The following HEATR5B variants were observed in gnomAD, a reference collection of about 807,000 sequenced individuals.
The protein encoded by HEATR5B is HEAT repeat containing 5B, also known as HEAT repeat-containing protein 5B.
A neutral mutation model predicts 224.1 loss-of-function variants in HEATR5B; 156 were observed. The ratio of observed to expected loss-of-function variants is 0.70; its 90% CI spans 0.61 to 0.80. The LOEUF is 0.80. HEATR5B is among the 30% of genes least tolerant of loss of function. HEATR5B has a pLI of 0.00. For synonymous variants in HEATR5B, 1,027 were observed against 893.0 expected (o/e 1.15, Z -2.68); for missense variants, 2,323 against 2,535.5 (o/e 0.92, Z 1.80).
At chr2:37,043,980 G>A (rs1670034437) in intron 18 of HEATR5B, among the ~76,000 whole-genome samples, 2 of 152,108 alleles carry the variant, frequency 1.3e-5, no homozygotes, top group South Asian at 4.1e-4. Flanking sequence ...GGCCTCAAGT[G>A]ATCCTCCTGC....
chr2:37,079,417 A>C, intron 2 of HEATR5B, 86 bp from the exon 3 acceptor site: 1 of 639,576 alleles, frequency 1.6e-6, no homozygotes. Context: ...TTAACACTTA[A>C]GGCACTCTAA....
chr2:37,014,075 A>G (rs1667960343), intron 26 of HEATR5B, 55 bp from the exon 27 acceptor site: 1 of 1,016,420 alleles, frequency 9.8e-7, no homozygotes, highest in Non-Finnish European at 1.4e-6. Flanking sequence ...GCTGTATAAG[A>G]AAATGGAATA....
At position 37,070,214 on chromosome 2, in the gene HEATR5B, C is replaced by T; in HGVS notation, c.927+16G>A. The T allele has an allele frequency of 6.2e-7, 1 of 1,613,638 alleles. No homozygotes were observed. Among genetic ancestry groups the T allele is most frequent in the Non-Finnish European group, 8.5e-7 (1 of 1,179,734 alleles). On this transcript the variant is annotated intron_variant, in intron 7 of 35. Coordinates refer to ENST00000233099, the MANE Select transcript of HEATR5B (RefSeq NM_019024.3). ...CGTGCCTGGCCAAAATTCTTTCACA[C>T]ATACGTGTTACAAACCTGCGTAACT...
chr2:37,071,300 G>A (rs1473277220), intron 6 of HEATR5B, among the ~76,000 whole-genome samples: 1 of 152,206 alleles, frequency 6.6e-6, no homozygotes, highest in Non-Finnish European at 1.5e-5. Context: ...AGGTGGGGTA[G>A]AGGTAGGGAC....
chr2:36,988,184 T>G (rs1282998402), intron 35 of HEATR5B, among the ~76,000 whole-genome samples: 1 of 152,198 alleles, frequency 6.6e-6, no homozygotes, highest in Non-Finnish European at 1.5e-5. Context: ...GGCAATTCAT[T>G]TGAACTTCCT....
intron 26 of HEATR5B, 137 bp downstream of exon 26, chr2:37,019,672 A>AT (rs74340144): frequency 0.037 from 21,731 of 589,610 alleles, 651 homozygotes; most frequent in East Asian, 0.094. Context: ...GGCCAGGCTG[A>AT]TCTCAAACTC....
chr2:37,002,580 A>G lies in HEATR5B; in HGVS notation c.5051-8T>C, dbSNP rs1176552402. On this transcript the variant is annotated splice_polypyrimidine_tract_variant and splice_region_variant and intron_variant, in intron 31 of 35. Transcript: ENST00000233099. ...TTTCCATATCATCTTCATCTGAGGT[A>G]AAAGATAATTTGGTGAAATTTCCAG... 2 of 1,605,456 alleles carry G rather than the reference A, an allele frequency of 1.2e-6. No homozygotes were observed. The highest frequency in any genetic ancestry group is 8.5e-7 in the Non-Finnish European group (1 of 1,174,698).
chr2:37,030,369 T>A (rs1333436105), intron 22 of HEATR5B, among the ~76,000 whole-genome samples: 1 of 152,228 alleles, frequency 6.6e-6, no homozygotes, highest in Admixed American at 6.5e-5. Flanking sequence ...TAGTGAATAT[T>A]TTCCCATTTC....
chr2:37,056,395 A>T, intron 16 of HEATR5B, 45 bp downstream of exon 16: 1 of 1,397,998 alleles, frequency 7.2e-7, no homozygotes, highest in Non-Finnish European at 9.7e-7. Flanking sequence ...TTCGTTTAAC[A>T]TAATATATAT....
intron 33 of HEATR5B, among the ~76,000 whole-genome samples, chr2:36,995,093 T>TTTTTTTTTTTG (rs1242626660): frequency 7.1e-6 from 1 of 140,852 alleles, no homozygotes; most frequent in Non-Finnish European, 1.5e-5. Context: ...CCTTGTTTTT[T>TTTTTTTTTTTG]TTTTTTTTTT....
Position 36,981,772 on chromosome 2 carries a change from T to C in HEATR5B, c.5934A>G (p.Leu1978=). Residue 1978 remains leucine, a synonymous_variant, in exon 36 of 36, where the codon TTA becomes TTG. Transcript: ENST00000233099. ...GCAGGTAAGATATCAAAGTGGGAACTAAAAGAGCAAGTAGCTGGACTCCTG... is the reference window on the plus strand; with the variant it reads ...GCAGGTAAGATATCAAAGTGGGAACCAAAAGAGCAAGTAGCTGGACTCCTG... The part of the protein sequence containing the change: ...EQNRVQLLAL[L]VPTLISYLLD... 1 of 1,611,232 alleles carries C rather than the reference T, an allele frequency of 6.2e-7. No homozygotes were observed. Among genetic ancestry groups the C allele is most frequent in the East Asian group, 2.2e-5 (1 of 44,842 alleles).
At chr2:37,035,976 T>G (rs1329076162) in intron 21 of HEATR5B, among the ~76,000 whole-genome samples, 1 of 152,150 alleles carries the variant, frequency 6.6e-6, no homozygotes, top group Non-Finnish European at 1.5e-5. Context: ...CTTCTAACCC[T>G]CTTCTCCAAC....
chr2:37,034,365 G>A (rs1363671452), intron 21 of HEATR5B, among the ~76,000 whole-genome samples: 1 of 138,986 alleles, frequency 7.2e-6, no homozygotes, highest in African/African-American at 2.6e-5. Flanking sequence ...TGTAATCCCA[G>A]CACTTTGGGA....
chr2:36,999,098 A>G (rs1394469079), intron 33 of HEATR5B, among the ~76,000 whole-genome samples: 2 of 151,910 alleles, frequency 1.3e-5, no homozygotes, highest in Non-Finnish European at 2.9e-5. Context: ...CTGTAATCCC[A>G]GCTACTCAGG....
At chr2:37,023,541 G>A (rs1208849465) in intron 24 of HEATR5B, among the ~76,000 whole-genome samples, 2 of 152,150 alleles carry the variant, frequency 1.3e-5, no homozygotes, top group Non-Finnish European at 2.9e-5. Context: ...GGCCAAGGCG[G>A]GCAGATCACT....
chr2:37,006,514 G>A (rs1476863888), intron 29 of HEATR5B, among the ~76,000 whole-genome samples: 1 of 152,146 alleles, frequency 6.6e-6, no homozygotes, highest in Non-Finnish European at 1.5e-5. Flanking sequence ...GGTGGCGCAT[G>A]CCCATAATCC....
At chr2:37,080,622 GGA>G (rs1490216885) in intron 2 of HEATR5B, among the ~76,000 whole-genome samples, 3 of 152,128 alleles carry the variant, frequency 2.0e-5, no homozygotes. Context: ...AGGTTTGGGA[GGA>G]GAAATCAAGA....
In HEATR5B at chr2:37,041,282, C is replaced by A; in HGVS notation, c.2707G>T (p.Ala903Ser). 6.2e-7 allele frequency: 1 copy of A among 1,613,204 alleles called. No individual in the cohort carries two copies. The highest frequency in any genetic ancestry group is 8.5e-7 in the Non-Finnish European group (1 of 1,179,636). Residue 903 changes from alanine to serine, a missense_variant, in exon 19 of 36, where the codon GCT (alanine) becomes TCT (serine). Ala to Ser is a moderately conservative substitution (Grantham distance 99). Around this residue, in one of 12 missense-constraint regions of HEATR5B, gnomAD observed 170 missense variants for 216.7 expected, o/e 0.78. Transcript: ENST00000233099. Reference protein sequence around the residue: ...AQYSFDKLKSARDVVSRTGHS... With the variant: ...AQYSFDKLKSSRDVVSRTGHS... ...CCAGTCCTAGATACAACATCTCGAG[C>A]CGATTTCAACCTGAAAAAAAGATTA... is the stretch of plus-strand genomic sequence containing the variant.
intron 27 of HEATR5B, among the ~76,000 whole-genome samples, chr2:37,012,754 G>C (rs888513804): frequency 6.6e-6 from 1 of 152,130 alleles, no homozygotes; most frequent in African/African-American, 2.4e-5. Context: ...AGAGTAGACA[G>C]CACTGAGCTT....
Sources: allele counts gnomAD v4.1 joint callset (sites outside exome capture counted in the v4.1 genomes callset), GRCh38; gene constraint gnomAD v4.1.1; regional missense constraint gnomAD v4.1.1; transcripts MANE v1.5; gene names NCBI Gene and HGNC (gene_info 2026-07-23, HGNC 2026-07-21).